Variants in HS6ST3 observed in about 807,000 individuals in gnomAD.
The protein encoded by HS6ST3 is heparan-sulfate 6-O-sulfotransferase 3.
A neutral mutation model predicts 36.7 loss-of-function variants in HS6ST3; 12 were observed. The observed-to-expected ratio is 0.33, with a 90% CI of 0.21 to 0.53. The LOEUF (loss-of-function observed/expected upper bound fraction) is 0.53. HS6ST3 is among the 20% of genes least tolerant of loss of function. The pLI is 0.95. For missense variants in HS6ST3, 584 were observed against 640.9 expected, an observed-to-expected ratio of 0.91 and a Z score of 0.96; for synonymous variants, 240 against 257.5, an observed-to-expected ratio of 0.93 and a Z score of 0.65.
intron 1 of HS6ST3, among the ~76,000 whole-genome samples, chr13:96,576,333 A>G (rs1012651138): frequency 2.7e-5 from 4 of 146,682 alleles, no homozygotes; most frequent in Non-Finnish European, 6.1e-5. Context: ...AGATGGAAGG[A>G]TTGTTTTTAT....
chr13:96,532,033 C>T (rs2056137617), intron 1 of HS6ST3, among the ~76,000 whole-genome samples: 1 of 152,136 alleles, frequency 6.6e-6, no homozygotes, highest in Non-Finnish European at 1.5e-5. Flanking sequence ...AACAGCAGGC[C>T]ATCTGGTCAC....
At chr13:96,294,425 T>C (rs1329980868) in intron 1 of HS6ST3, among the ~76,000 whole-genome samples, 1 of 152,154 alleles carries the variant, frequency 6.6e-6, no homozygotes, top group Non-Finnish European at 1.5e-5. Flanking sequence ...TACCTCAAGT[T>C]AAAAGAAGGA....
At chr13:96,656,998 T>TGAGAGA (rs1179705458) in intron 1 of HS6ST3, among the ~76,000 whole-genome samples, 85 of 98,336 alleles carry the variant, frequency 8.6e-4, no homozygotes, top group Admixed American at 2.4e-3. Context: ...TGTGTGTGTG[T>TGAGAGA]GAGAGAGAGA....
chr13:96,345,301 A>T (rs2098364024), intron 1 of HS6ST3, among the ~76,000 whole-genome samples: 1 of 152,120 alleles, frequency 6.6e-6, no homozygotes, highest in South Asian at 2.1e-4. Flanking sequence ...AAATATTCTT[A>T]TTTATATTGT....
chr13:96,732,608 C>T (rs1876185524), intron 1 of HS6ST3, among the ~76,000 whole-genome samples: 1 of 152,038 alleles, frequency 6.6e-6, no homozygotes, highest in Non-Finnish European at 1.5e-5. Context: ...GTTCATTTTG[C>T]TCAAGATCAG....
chr13:96,435,550 T>TA (rs1418980228), intron 1 of HS6ST3, among the ~76,000 whole-genome samples: 1 of 152,158 alleles, frequency 6.6e-6, no homozygotes, highest in Non-Finnish European at 1.5e-5. Context: ...ACAAATAACT[T>TA]AGGGCCATTA....
intron 1 of HS6ST3, among the ~76,000 whole-genome samples, chr13:96,419,119 C>A (rs1697872046): frequency 6.6e-6 from 1 of 152,170 alleles, no homozygotes; most frequent in South Asian, 2.1e-4. Flanking sequence ...TGGAGAAGAG[C>A]CTTTCATTCT....
intron 1 of HS6ST3, among the ~76,000 whole-genome samples, chr13:96,310,765 T>C (rs1018180244): frequency 6.6e-6 from 1 of 152,084 alleles, no homozygotes; most frequent in Admixed American, 6.6e-5. Flanking sequence ...CGTACTCCTT[T>C]ATTGTATGTG....
chr13:96,130,348 A>G (rs1401301366), intron 1 of HS6ST3, among the ~76,000 whole-genome samples: 1 of 152,160 alleles, frequency 6.6e-6, no homozygotes, highest in Non-Finnish European at 1.5e-5. Context: ...TTTAAGAGAC[A>G]GTGGGAATAT....
In HS6ST3 at chr13:96,833,435, T is replaced by C. The variant is rs898016064; in HGVS notation, c.*237T>C. 4 of 436,298 alleles carry C rather than the reference T, an allele frequency of 9.2e-6. No homozygotes were observed. The highest frequency in any genetic ancestry group is 7.9e-5 in the African/African-American group (4 of 50,618). 27.0% of individuals were successfully genotyped at this position (436,298 alleles called of 1,614,324 possible). ...AAGTAGGGTAGGAGTGCATCCCATA[T>C]AGGCCATTTTAGAAGGCCAAGGAGA... On this transcript the variant is annotated 3_prime_UTR_variant, in exon 2 of 2. Coordinates refer to ENST00000376705, the MANE Select transcript of HS6ST3 (RefSeq NM_153456.4).
At chr13:96,444,320 T>C (rs566697041) in intron 1 of HS6ST3, among the ~76,000 whole-genome samples, 7 of 152,326 alleles carry the variant, frequency 4.6e-5, no homozygotes, top group African/African-American at 1.7e-4. Flanking sequence ...CCAGGAGTAA[T>C]AGTCTATTTC....
At chr13:96,305,902 A>G (rs923931868) in intron 1 of HS6ST3, among the ~76,000 whole-genome samples, 1 of 99,104 alleles carries the variant, frequency 1.0e-5, no homozygotes, top group Non-Finnish European at 2.1e-5. Flanking sequence ...ATTAACATTT[A>G]TGTACCAGAT....
At chr13:96,428,241 C>A (rs181363473) in intron 1 of HS6ST3, among the ~76,000 whole-genome samples, 13 of 152,044 alleles carry the variant, frequency 8.6e-5, no homozygotes, top group African/African-American at 2.9e-4. Context: ...CCCAGCTACT[C>A]AGGAGGCTGA....
chr13:96,316,941 G>A (rs2054973073), intron 1 of HS6ST3, among the ~76,000 whole-genome samples: 1 of 152,030 alleles, frequency 6.6e-6, no homozygotes. Flanking sequence ...ACTGAAAATA[G>A]CACAGTGTTG....
intron 1 of HS6ST3, among the ~76,000 whole-genome samples, chr13:96,206,137 G>A (rs1195556228): frequency 1.3e-5 from 2 of 152,056 alleles, no homozygotes; most frequent in African/African-American, 4.8e-5. Flanking sequence ...AAATCAATGT[G>A]CAAAAATCTC....
At chr13:96,779,301 C>T (rs1877469016) in intron 1 of HS6ST3, among the ~76,000 whole-genome samples, 1 of 148,626 alleles carries the variant, frequency 6.7e-6, no homozygotes, top group South Asian at 2.1e-4. Context: ...ACATGTATTC[C>T]AGAACTTAAA....
At chr13:96,117,187 A>C (rs988763955) in intron 1 of HS6ST3, among the ~76,000 whole-genome samples, 1 of 152,256 alleles carries the variant, frequency 6.6e-6, no homozygotes, top group African/African-American at 2.4e-5. Flanking sequence ...GTTATTTTGA[A>C]TGGAGTCCTA....
intron 1 of HS6ST3, among the ~76,000 whole-genome samples, chr13:96,230,444 T>G (rs1469522482): frequency 6.6e-6 from 1 of 152,144 alleles, no homozygotes; most frequent in South Asian, 2.1e-4. Context: ...ATGCTGAATT[T>G]GCGGTTCCAA....
intron 1 of HS6ST3, among the ~76,000 whole-genome samples, chr13:96,115,074 G>C (rs2053887734): frequency 6.6e-6 from 1 of 152,142 alleles, no homozygotes; most frequent in Admixed American, 6.5e-5. Context: ...CTCCATTTCT[G>C]TGTGCTTGCT....
Sources: gnomAD v4.1 joint callset for allele counts (sites outside exome capture counted in the v4.1 genomes callset) on GRCh38, gnomAD v4.1.1 for gene constraint, MANE v1.5 for transcripts, NCBI Gene and HGNC (gene_info 2026-07-23, HGNC 2026-07-21) for gene names.